ANO10: variants seen among roughly 807,000 people sequenced by gnomAD.
The protein encoded by ANO10 is anoctamin 10.
Under a neutral mutation model 74.7 loss-of-function variants are expected in ANO10, and 77 were observed. The ratio of observed to expected loss-of-function variants is 1.03; its 90% CI spans 0.86 to 1.25. The LOEUF (loss-of-function observed/expected upper bound fraction) is 1.25, where lower values mean the gene tolerates loss of function less well. Among genes scored for constraint, ANO10 ranks in the 50% most tolerant of loss-of-function variants. The pLI is 0.00. For synonymous variants in ANO10, 279 were observed against 284.9 expected (o/e 0.98, Z 0.21); for missense variants, 721 against 778.1 (o/e 0.93, Z 0.87).
chr3:43,633,570 G>A (rs2083572330), intron 1 of ANO10, among the ~76,000 whole-genome samples: 1 of 152,072 alleles, frequency 6.6e-6, no homozygotes, highest in Non-Finnish European at 1.5e-5. Context: ...ACTCACCTGA[G>A]GAGAACTGTT....
chr3:43,680,178 A>C (rs1186604031), intron 1 of ANO10, among the ~76,000 whole-genome samples: 1 of 152,180 alleles, frequency 6.6e-6, no homozygotes, highest in Non-Finnish European at 1.5e-5. Context: ...AAAGAAGTTA[A>C]AAACCTTGAA....
At chr3:43,577,561 T>C (rs570485842) in intron 5 of ANO10, among the ~76,000 whole-genome samples, 38 of 152,320 alleles carry the variant, frequency 2.5e-4, no homozygotes, top group African/African-American at 8.9e-4. Context: ...AAAACTCATC[T>C]TGTAGCTTAC....
chr3:43,430,855 T>A (rs1040706690), intron 12 of ANO10, among the ~76,000 whole-genome samples: 3 of 152,096 alleles, frequency 2.0e-5, no homozygotes, highest in Non-Finnish European at 4.4e-5. Context: ...TTAAAAAAAA[T>A]TGTTCTATAA....
At chr3:43,440,956 A>G (rs2093149947) in intron 11 of ANO10, among the ~76,000 whole-genome samples, 1 of 152,100 alleles carries the variant, frequency 6.6e-6, no homozygotes, top group Admixed American at 6.6e-5. Flanking sequence ...ATGAGTCAAA[A>G]AAGACATCAC....
intron 9 of ANO10, among the ~76,000 whole-genome samples, chr3:43,558,262 G>A (rs527705022): frequency 6.6e-6 from 1 of 152,252 alleles, no homozygotes; most frequent in African/African-American, 2.4e-5. Context: ...GCAAACCTCT[G>A]TAATGTATCA....
At chr3:43,532,339 G>C (rs530036710) in intron 11 of ANO10, among the ~76,000 whole-genome samples, 1 of 152,250 alleles carries the variant, frequency 6.6e-6, no homozygotes, top group Admixed American at 6.5e-5. Context: ...TGCCATCCTT[G>C]CTCAGTTTAG....
chr3:43,561,175 T>C (rs2080011922), intron 9 of ANO10, 45 bp downstream of exon 9: 1 of 1,585,102 alleles, frequency 6.3e-7, no homozygotes. Flanking sequence ...GCATGGCTAT[T>C]ATTCACTCTC....
intron 7 of ANO10, 55 bp from the exon 8 acceptor site, chr3:43,565,782 T>C (rs1575439509): frequency 6.6e-7 from 1 of 1,510,196 alleles, no homozygotes; most frequent in East Asian, 2.5e-5. Context: ...TAGAGTACTT[T>C]ACTACAACTG....
At chr3:43,499,720 A>G (rs1282300381) in intron 11 of ANO10, among the ~76,000 whole-genome samples, 1 of 152,088 alleles carries the variant, frequency 6.6e-6, no homozygotes, top group African/African-American at 2.4e-5. Flanking sequence ...CTAGAATTCT[A>G]ATTTGAAGGG....
intron 11 of ANO10, among the ~76,000 whole-genome samples, chr3:43,477,179 A>C (rs1348808203): frequency 6.6e-6 from 1 of 152,192 alleles, no homozygotes; most frequent in Non-Finnish European, 1.5e-5. Context: ...CTCAAATTAA[A>C]ACTGATCAGC....
intron 1 of ANO10, among the ~76,000 whole-genome samples, chr3:43,657,079 A>G (rs1031637988): frequency 1.2e-4 from 19 of 152,274 alleles, no homozygotes; most frequent in Middle Eastern, 3.2e-3. Flanking sequence ...TGAATGTTTC[A>G]ATTCTAACAA....
chr3:43,481,927 C>CTTTTTTTTTCTTT (rs2076285506), intron 11 of ANO10, among the ~76,000 whole-genome samples: 3 of 123,848 alleles, frequency 2.4e-5, no homozygotes, highest in East Asian at 2.4e-4. Context: ...CTTTTTTTTT[C>CTTTTTTTTTCTTT]TTTTTTTTTT....
intron 1 of ANO10, among the ~76,000 whole-genome samples, chr3:43,656,771 G>C (rs536521771): frequency 1.3e-5 from 2 of 152,332 alleles, no homozygotes; most frequent in African/African-American, 4.8e-5. Context: ...TGGCCCTCAA[G>C]TGCTGCACAC....
chr3:43,374,402 A>G (rs963050691), intron 12 of ANO10, among the ~76,000 whole-genome samples: 6 of 152,210 alleles, frequency 3.9e-5, no homozygotes, highest in African/African-American at 1.2e-4. Flanking sequence ...GAGACATACC[A>G]TTATGATTTT....
intron 1 of ANO10, among the ~76,000 whole-genome samples, chr3:43,682,929 C>G (rs1031518122): frequency 6.6e-6 from 1 of 152,134 alleles, no homozygotes; most frequent in African/African-American, 2.4e-5. Flanking sequence ...CGGGACATAT[C>G]TCAAAATAAT....
chr3:43,570,365 C>T lies in ANO10; in HGVS notation c.1218+4444G>A, dbSNP rs1280726049. ...GTTCATATGGAACCAAAAAAGAGCC[C>T]GCATCGCCAAGGCAACCCTAAGCCA... is the stretch of plus-strand genomic sequence containing the variant. On this transcript the variant is annotated intron_variant, in intron 7 of 12. Transcript: ENST00000292246. Among the ~76,000 whole-genome samples, 7 of 151,532 alleles carry T rather than the reference C, an allele frequency of 4.6e-5. 1 individual carries two copies. Among genetic ancestry groups the T allele is most frequent in the South Asian group, 4.2e-4 (2 of 4,790 alleles).
At chr3:43,384,157 A>G (rs1311946792) in intron 12 of ANO10, among the ~76,000 whole-genome samples, 1 of 151,882 alleles carries the variant, frequency 6.6e-6, no homozygotes, top group Non-Finnish European at 1.5e-5. Flanking sequence ...CAAGAACTCA[A>G]CTTCTTTTAA....
chr3:43,656,547 G>A (rs1225099228), intron 1 of ANO10, among the ~76,000 whole-genome samples: 1 of 152,246 alleles, frequency 6.6e-6, no homozygotes, highest in Non-Finnish European at 1.5e-5. Flanking sequence ...AGGCATGGCG[G>A]GCTGCAGGTA....
At chr3:43,617,847 TCA>T (rs1400217405) in intron 1 of ANO10, among the ~76,000 whole-genome samples, 1 of 152,166 alleles carries the variant, frequency 6.6e-6, no homozygotes, top group East Asian at 1.9e-4. Context: ...AAAAGTATTC[TCA>T]GTTATGAAGC....
Sources: allele counts gnomAD v4.1 joint callset (sites outside exome capture counted in the v4.1 genomes callset), GRCh38; gene constraint gnomAD v4.1.1; transcripts MANE v1.5; gene names NCBI Gene and HGNC (gene_info 2026-07-23, HGNC 2026-07-21).